The following PTPN14 variants were observed in gnomAD, a reference collection of about 807,000 sequenced individuals.
The protein encoded by PTPN14 is tyrosine-protein phosphatase non-receptor type 14.
A neutral mutation model predicts 126.8 loss-of-function variants in PTPN14; 53 were observed. That is an observed-to-expected ratio of 0.42 (90% CI 0.34 to 0.53). PTPN14 has a LOEUF of 0.53. PTPN14 is among the 20% of genes least tolerant of loss of function. The pLI, the probability that PTPN14 is intolerant of heterozygous loss-of-function variation, is 0.08. For synonymous variants in PTPN14, 630 were observed against 599.3 expected (o/e 1.05, Z -0.75); for missense variants, 1,257 against 1,552.9 (o/e 0.81, Z 3.20).
intron 16 of PTPN14, chr1:214,372,348 C>T: frequency 3.4e-6 from 1 of 294,412 alleles, no homozygotes; most frequent in South Asian, 3.0e-5. Context: ...GCCTGAGACT[C>T]CCAAATTCCA....
chr1:214,378,876 C>T (rs1171312924), intron 13 of PTPN14, among the ~76,000 whole-genome samples: 1 of 151,530 alleles, frequency 6.6e-6, no homozygotes, highest in Non-Finnish European at 1.5e-5. Context: ...GACTCCGGAA[C>T]TGAGCAGACC....
intron 3 of PTPN14, among the ~76,000 whole-genome samples, chr1:214,432,067 C>A (rs1659808341): frequency 6.6e-6 from 1 of 151,940 alleles, no homozygotes; most frequent in African/African-American, 2.4e-5. Flanking sequence ...TGCCTGTAGT[C>A]CCAGCTACAC....
intron 1 of PTPN14, among the ~76,000 whole-genome samples, chr1:214,497,592 A>G (rs1057437587): frequency 5.3e-5 from 8 of 151,782 alleles, no homozygotes; most frequent in African/African-American, 1.7e-4. Flanking sequence ...AGAAAACATG[A>G]TATCACTGGA....
intron 11 of PTPN14, among the ~76,000 whole-genome samples, chr1:214,387,204 T>C (rs1015763792): frequency 6.6e-6 from 1 of 152,250 alleles, no homozygotes; most frequent in Non-Finnish European, 1.5e-5. Flanking sequence ...ATTTACTATC[T>C]ATGTTCTAAT....
Position 214,447,629 on chromosome 1 carries a change from A to T in PTPN14, c.344+4176T>A, listed in dbSNP as rs879390470. Among the ~76,000 whole-genome samples, 11 of 151,858 alleles carry T rather than the reference A, an allele frequency of 7.2e-5. No homozygotes were observed. The East Asian group carries it at 2.1e-3, about 29-fold the overall frequency. On this transcript the variant is annotated intron_variant, in intron 3 of 18. Coordinates refer to ENST00000366956, the MANE Select transcript of PTPN14 (RefSeq NM_005401.5). ...CAGCTTAAATCTTTTACTCACTCTG[A>T]CACCCCTTGGCACATTCCAGTTTTA...
chr1:214,463,343 T>C (rs1401325605), intron 2 of PTPN14, among the ~76,000 whole-genome samples: 1 of 151,592 alleles, frequency 6.6e-6, no homozygotes, highest in African/African-American at 2.4e-5. Context: ...CAGCTACCCA[T>C]CAACAAGATG....
At chr1:214,514,362 A>G (rs867764290) in intron 1 of PTPN14, among the ~76,000 whole-genome samples, 2 of 152,218 alleles carry the variant, frequency 1.3e-5, no homozygotes, top group Admixed American at 1.3e-4. Context: ...ACTGATGCAT[A>G]AGAATTGCTC....
At chr1:214,418,981 T>C (rs747884852) in intron 3 of PTPN14, among the ~76,000 whole-genome samples, 6 of 152,042 alleles carry the variant, frequency 3.9e-5, no homozygotes, top group Non-Finnish European at 7.3e-5. Flanking sequence ...CAACAGCAGG[T>C]ACAAACTGGG....
At chr1:214,473,425 TG>T (rs1296529801) in intron 1 of PTPN14, among the ~76,000 whole-genome samples, 2 of 152,250 alleles carry the variant, frequency 1.3e-5, no homozygotes, top group African/African-American at 4.8e-5. Flanking sequence ...TTAGTTCCCA[TG>T]CTATGCTATG....
rs536257229 is a variant in PTPN14 at position 214,491,042 on chromosome 1, A to G, written c.-154-26085T>C. 2.6e-3 allele frequency among the ~76,000 whole-genome samples: 391 copies of G among 150,814 alleles called. 4 individuals are homozygous for G. Among genetic ancestry groups the G allele is most frequent in the African/African-American group, 8.9e-3 (366 of 40,930 alleles). Reference sequence around the variant, plus strand: ...GGAAGAAAGGAAGGAAGGAAGAAAGAAAGAAAGAAAGAAAAACAAAGAAAG... The same window carrying G: ...GGAAGAAAGGAAGGAAGGAAGAAAGGAAGAAAGAAAGAAAAACAAAGAAAG... On this transcript the variant is annotated intron_variant, in intron 1 of 18. Transcript: ENST00000366956.
intron 11 of PTPN14, among the ~76,000 whole-genome samples, chr1:214,387,347 A>C (rs1166108628): frequency 6.6e-6 from 1 of 152,214 alleles, no homozygotes; most frequent in East Asian, 1.9e-4. Flanking sequence ...TGCCATTTCT[A>C]TTAAAAATAC....
rs191534689 is a variant in PTPN14, at chr1:214,472,490, A to T, written c.-154-7533T>A. ...CTTTTCTTGTAAGTTACCCAGTCTC[A>T]GGTATTTCTTCATAGCCATGCAAGA... On this transcript the variant is annotated intron_variant, in intron 1 of 18. Coordinates refer to ENST00000366956, the MANE Select transcript of PTPN14 (RefSeq NM_005401.5). Among the ~76,000 whole-genome samples, 538 of 152,308 alleles carry T rather than the reference A, an allele frequency of 3.5e-3. 4 individuals are homozygous for T. The highest frequency in any genetic ancestry group is 0.012 in the African/African-American group (498 of 41,564).
chr1:214,371,614 C>G (rs1235394838), intron 16 of PTPN14, among the ~76,000 whole-genome samples: 4 of 152,204 alleles, frequency 2.6e-5, no homozygotes, highest in Non-Finnish European at 5.9e-5. Flanking sequence ...GTCTCGTTTA[C>G]CGTGTACTCC....
chr1:214,403,033 C>A, intron 5 of PTPN14, 80 bp from the exon 6 acceptor site: 1 of 1,383,848 alleles, frequency 7.2e-7, no homozygotes, highest in South Asian at 1.2e-5. Context: ...AAGCTCCCTT[C>A]CTCAGATGTT....
intron 2 of PTPN14, among the ~76,000 whole-genome samples, chr1:214,460,442 G>A (rs1660483868): frequency 6.9e-6 from 1 of 144,972 alleles, no homozygotes; most frequent in Non-Finnish European, 1.5e-5. Context: ...CAAACAAACT[G>A]AACTCTGCCT....
intron 1 of PTPN14, among the ~76,000 whole-genome samples, chr1:214,516,859 G>C (rs1655113933): frequency 6.6e-6 from 1 of 151,966 alleles, no homozygotes; most frequent in Non-Finnish European, 1.5e-5. Context: ...ATCCCCACTT[G>C]ATAGCAATTC....
intron 3 of PTPN14, among the ~76,000 whole-genome samples, chr1:214,448,200 G>A (rs1032505903): frequency 2.0e-5 from 3 of 152,254 alleles, no homozygotes; most frequent in African/African-American, 7.2e-5. Context: ...TCCTGAGGCT[G>A]GGTGAGTGTC....
At position 214,349,528 on chromosome 1, in the gene PTPN14, A is replaced by G. The variant is rs2102489466; in HGVS notation, c.*8394T>C. The G allele has an allele frequency of 6.6e-6, 1 of 152,342 alleles. No homozygotes were observed. The highest frequency in any genetic ancestry group is 2.1e-4 in the South Asian group (1 of 4,826). The allele number at this position is 152,342 out of a possible 1,614,324, so 9.4% of individuals were successfully genotyped here. On this transcript the variant is annotated 3_prime_UTR_variant, in exon 19 of 19. Transcript: ENST00000366956. ...AAAGCATCAAAATACTGAAGTAGGG[A>G]GCACAAGCCTAGTCCAGTGAAACAA... is the stretch of plus-strand genomic sequence containing the variant.
chr1:214,483,067 C>A, intron 1 of PTPN14: 1 of 1,610,754 alleles, frequency 6.2e-7, no homozygotes, highest in Non-Finnish European at 8.5e-7. Context: ...AAATCAAATC[C>A]AGTTCACAGA....
Sources: allele counts gnomAD v4.1 joint callset (sites outside exome capture counted in the v4.1 genomes callset), GRCh38; gene constraint gnomAD v4.1.1; transcripts MANE v1.5; gene names NCBI Gene and HGNC (gene_info 2026-07-23, HGNC 2026-07-21).